Variants in SPATS2L observed in about 807,000 individuals in gnomAD.
SPATS2L encodes SPATS2-like protein.
In SPATS2L, 30 loss-of-function variants were observed where a neutral mutation model predicts 59.6. The ratio of observed to expected loss-of-function variants is 0.50; its 90% CI spans 0.38 to 0.68. The LOEUF (loss-of-function observed/expected upper bound fraction) is 0.68, where lower values mean the gene tolerates loss of function less well. SPATS2L is among the 30% of genes least tolerant of loss of function. The probability of loss-of-function intolerance (pLI) is 0.00; values close to 1 mark genes in which losing one functional copy is unlikely to be tolerated. For synonymous variants in SPATS2L, 252 were observed against 263.5 expected, an observed-to-expected ratio of 0.96 and a Z score of 0.42; for missense variants, 615 against 700.0, an observed-to-expected ratio of 0.88 and a Z score of 1.37.
chr2:200,456,504 T>G (rs1316601748), intron 8 of SPATS2L, among the ~76,000 whole-genome samples: 2 of 152,216 alleles, frequency 1.3e-5, no homozygotes, highest in African/African-American at 4.8e-5. Context: ...CAGCTTTGTT[T>G]AATATGTGTT....
At position 200,477,042 on chromosome 2, in the gene SPATS2L, T is replaced by C. The variant is rs558996218; in HGVS notation, c.1282-594T>C. Among the ~76,000 whole-genome samples the C allele has an allele frequency of 6.6e-5, 10 of 152,272 alleles. No individual in the cohort carries two copies. In the South Asian group the frequency reaches 1.9e-3, roughly 28 times the overall value. On this transcript the variant is annotated intron_variant, in intron 12 of 12. Transcript: ENST00000409140. ...CTGCAGTCTCCGACGTGCAGCTGCT[T>C]CTCCTCTTCTCTGCTCTGTGCCAGT... is the stretch of plus-strand genomic sequence containing the variant.
chr2:200,451,563 A>G (rs369930844), intron 8 of SPATS2L, among the ~76,000 whole-genome samples: 1 of 152,208 alleles, frequency 6.6e-6, no homozygotes, highest in East Asian at 1.9e-4. Context: ...TACCATGGGC[A>G]ATAACAACAC....
chr2:200,365,110 A>G (rs997836744), intron 2 of SPATS2L, among the ~76,000 whole-genome samples: 3 of 152,194 alleles, frequency 2.0e-5, no homozygotes, highest in African/African-American at 4.8e-5. Flanking sequence ...GGTCAGTCAG[A>G]TTCCCAGGGA....
At chr2:200,431,659 T>C (rs1438878760) in intron 6 of SPATS2L, among the ~76,000 whole-genome samples, 1 of 152,238 alleles carries the variant, frequency 6.6e-6, no homozygotes, top group Non-Finnish European at 1.5e-5. Context: ...AGATTTGAAT[T>C]CTTTCTTCAG....
chr2:200,355,685 T>C (rs910038029), intron 2 of SPATS2L, among the ~76,000 whole-genome samples: 19 of 152,262 alleles, frequency 1.2e-4, no homozygotes, highest in Non-Finnish European at 7.3e-5. Flanking sequence ...CGTATTCCAC[T>C]GTGTATACAA....
At chr2:200,332,747 G>T (rs868043583) in intron 2 of SPATS2L, among the ~76,000 whole-genome samples, 8 of 139,588 alleles carry the variant, frequency 5.7e-5, no homozygotes, top group African/African-American at 1.6e-4. Flanking sequence ...TTTTTTTTTT[G>T]AAAAAAAAAA....
chr2:200,329,147 G>T (rs528489014), intron 1 of SPATS2L, among the ~76,000 whole-genome samples: 1 of 152,294 alleles, frequency 6.6e-6, no homozygotes, highest in East Asian at 1.9e-4. Flanking sequence ...ACTATTATAT[G>T]TTAGGCAGTG....
intron 3 of SPATS2L, among the ~76,000 whole-genome samples, chr2:200,397,252 C>A (rs1020158811): frequency 6.6e-6 from 1 of 152,120 alleles, no homozygotes; most frequent in Non-Finnish European, 1.5e-5. Flanking sequence ...AAGAGCATGT[C>A]GAAAATGAAA....
At chr2:200,422,539 A>C (rs1274830317) in intron 6 of SPATS2L, among the ~76,000 whole-genome samples, 1 of 43,594 alleles carries the variant, frequency 2.3e-5, no homozygotes, top group Non-Finnish European at 7.2e-5. Context: ...AGACTCCTCA[A>C]AAAAAAAAAA....
intron 1 of SPATS2L, among the ~76,000 whole-genome samples, chr2:200,318,063 G>A (rs1470262596): frequency 1.3e-5 from 2 of 152,210 alleles, no homozygotes; most frequent in African/African-American, 4.8e-5. Context: ...ACGTATTGTA[G>A]TGATTACCAG....
chr2:200,438,334 G>T (rs1276843779), intron 6 of SPATS2L, among the ~76,000 whole-genome samples: 1 of 152,124 alleles, frequency 6.6e-6, no homozygotes, highest in African/African-American at 2.4e-5. Context: ...GAGCACACTG[G>T]CTTCCCTTTT....
chr2:200,311,486 A>G (rs181458295), intron 1 of SPATS2L, among the ~76,000 whole-genome samples: 291 of 152,334 alleles, frequency 1.9e-3, no homozygotes, highest in African/African-American at 6.5e-3. Context: ...CCAGTATTTT[A>G]TACGTCAAAC....
At position 200,332,772 on chromosome 2, in the gene SPATS2L, C is replaced by CTGTGTGTGTGTGTGTG. The variant is rs144988506; in HGVS notation, c.-23+3300_-23+3315dup. On this transcript the variant is annotated intron_variant, in intron 2 of 12. Transcript: ENST00000409140. The stretch of plus-strand genomic sequence containing the variant: ...GAAAAAAAAAAACTAAGTTAGCTGC[C>CTGTGTGTGTGTGTGTG]TGTGTGTGTGTGTGTGTGTGTGTAT... 3.8e-3 allele frequency among the ~76,000 whole-genome samples: 546 copies of CTGTGTGTGTGTGTGTG among 143,284 alleles called. 1 individual carries two copies. The highest frequency in any genetic ancestry group is 0.013 in the African/African-American group (517 of 38,696). The allele number at this position is 143,284 out of a possible 152,430, so 94.0% of individuals were successfully genotyped here.
At position 200,325,657 on chromosome 2, in the gene SPATS2L, G is replaced by A. The variant is rs572362324; in HGVS notation, c.-72-3774G>A. Among the ~76,000 whole-genome samples, 4 of 152,264 alleles carry A rather than the reference G, an allele frequency of 2.6e-5. No homozygotes were observed. In the East Asian group the frequency reaches 5.8e-4, roughly 22 times the overall value. ...GCCTCCCAAAGTGCTGGGATTTCAG[G>A]TGTGAGCCACCGCCCTGGCCAGACT... On this transcript the variant is annotated intron_variant, in intron 1 of 12. Transcript: ENST00000409140.
intron 1 of SPATS2L, among the ~76,000 whole-genome samples, chr2:200,321,763 G>C (rs1559037623): frequency 6.6e-6 from 1 of 152,210 alleles, no homozygotes; most frequent in African/African-American, 2.4e-5. Context: ...GTTCTTTAGT[G>C]TCTATTAATG....
intron 2 of SPATS2L, among the ~76,000 whole-genome samples, chr2:200,384,660 TAAATTTTATACTAG>T (rs1278749414): frequency 6.6e-6 from 1 of 152,210 alleles, no homozygotes; most frequent in Non-Finnish European, 1.5e-5. Context: ...CTGTGGTTCA[TAAATTTTATACTAG>T]AAAAGTATAT....
At chr2:200,426,294 G>T (rs920631894) in intron 6 of SPATS2L, among the ~76,000 whole-genome samples, 7 of 151,932 alleles carry the variant, frequency 4.6e-5, no homozygotes, top group African/African-American at 1.7e-4. Context: ...GTTTCACTGT[G>T]TTAGCCAGGA....
intron 9 of SPATS2L, among the ~76,000 whole-genome samples, chr2:200,464,738 G>A (rs554072951): frequency 1.1e-4 from 17 of 151,934 alleles, no homozygotes; most frequent in East Asian, 3.9e-4. Context: ...CTCAGCCTCC[G>A]AAAGTGCTAA....
At chr2:200,375,832 G>A (rs1314508342) in intron 2 of SPATS2L, among the ~76,000 whole-genome samples, 4 of 152,072 alleles carry the variant, frequency 2.6e-5, no homozygotes, top group Admixed American at 2.6e-4. Flanking sequence ...TCACCGTGTT[G>A]CCCAGGCTGC....
Sources: allele counts gnomAD v4.1 joint callset (sites outside exome capture counted in the v4.1 genomes callset), GRCh38; gene constraint gnomAD v4.1.1; transcripts MANE v1.5; gene names NCBI Gene and HGNC (gene_info 2026-07-23, HGNC 2026-07-21).